ACAN: variants seen among roughly 807,000 people sequenced by gnomAD.
ACAN encodes the protein aggrecan.
Under a neutral mutation model 169.1 loss-of-function variants are expected in ACAN, and 47 were observed. The observed-to-expected ratio is 0.28, with a 90% CI of 0.22 to 0.35. The LOEUF is 0.35. Ranked by LOEUF, ACAN falls within the 10% of genes least tolerant of loss-of-function variation. ACAN has a pLI of 1.00. For missense variants in ACAN, 2,716 were observed against 2,759.9 expected, an observed-to-expected ratio of 0.98 and a Z score of 0.36; for synonymous variants, 1,115 against 1,112.2, an observed-to-expected ratio of 1.00 and a Z score of -0.05.
rs138620973 is a variant in ACAN at position 88,855,427 on chromosome 15, G to C, written c.2842G>C (p.Ala948Pro). The C allele has an allele frequency of 3.1e-4, 496 of 1,613,312 alleles. 2 individuals are homozygous for C. In the East Asian group the frequency reaches 9.8e-3, roughly 32 times the overall value. The part of the protein sequence containing the change: ...PSGAEILEGS[A>P]SGVGDLSGLP... ...TGGAGCTGAGATCCTAGAGGGCTCT[G>C]CCTCTGGAGTTGGGGATCTCAGTGG... The change falls in exon 12 of 19, where the codon GCC becomes CCC. Residue 948 changes from alanine to proline, a missense_variant. Coordinates refer to ENST00000560601, the MANE Select transcript of ACAN (RefSeq NM_001369268.1).
chr15:88,823,963 G>A (rs1157087699), intron 1 of ACAN, among the ~76,000 whole-genome samples: 2 of 152,124 alleles, frequency 1.3e-5, no homozygotes, highest in Non-Finnish European at 2.9e-5. Flanking sequence ...GGCTTCTTAT[G>A]TGTTCTAAGG....
chr15:88,846,383 A>T (rs1280314473), intron 7 of ACAN, among the ~76,000 whole-genome samples: 3 of 152,234 alleles, frequency 2.0e-5, no homozygotes, highest in African/African-American at 7.2e-5. Context: ...TTACATTCTT[A>T]AATAGTTAGG....
In ACAN at chr15:88,839,019, G is replaced by A. The variant is rs372286756; in HGVS notation, c.427G>A (p.Glu143Lys). Residue 143 changes from glutamate (E) to lysine (K), a missense_variant, in exon 3 of 19, where the codon GAG (glutamate) becomes AAG (lysine). Physicochemically the swap from Glu to Lys is moderately conservative, Grantham distance 56 (BLOSUM62 1). This residue lies in a region of ACAN where 1,283 missense variants were observed against 1,281.5 expected (regional missense o/e 1.00). Transcript: ENST00000560601. This position sits in a 1 kb window ranked among gnomAD's most constrained non-coding sequence, Gnocchi z 4.5. ...GGTGATGCATGGCATCGAGGACAGC[G>A]AGGCCACCCTGGAAGTCGTGGTGAA... ...CEVMHGIEDS[E>K]ATLEVVVKGI... 6.6e-5 allele frequency: 106 copies of A among 1,606,622 alleles called. 1 individual carries two copies. Among genetic ancestry groups the A allele is most frequent in the Non-Finnish European group, 7.8e-5 (92 of 1,179,796 alleles).
In ACAN at chr15:88,858,804, C is replaced by T. The variant is rs1407423061; in HGVS notation, c.6219C>T (p.Val2073=). ...AGCTTTTTGAGTCCAGTGGAAAAGT[C>T]TCCACAGCTGGGGACATTAGTGGAG... ...TPQLFESSGK[V]STAGDISGAT... is the part of the protein sequence containing the mutation. The change falls in exon 12 of 19, where the codon GTC becomes GTT. Residue 2073 remains valine, a synonymous_variant. Coordinates refer to ENST00000560601, the MANE Select transcript of ACAN (RefSeq NM_001369268.1). The surrounding 1 kb of genome is among the most constrained non-coding windows in gnomAD (Gnocchi z 4.0). 1.2e-5 allele frequency: 20 copies of T among 1,613,792 alleles called. No individual in the cohort carries two copies. The highest frequency in any genetic ancestry group is 1.7e-5 in the Non-Finnish European group (20 of 1,179,892).
chr15:88,858,819 C>T lies in ACAN; in HGVS notation c.6234C>T (p.Asp2078=), dbSNP rs536254297. 1.6e-5 allele frequency: 26 copies of T among 1,613,768 alleles called. No homozygotes were observed. Among genetic ancestry groups the T allele is most frequent in the Middle Eastern group, 1.6e-4 (1 of 6,062 alleles). ...GTGGAAAAGTCTCCACAGCTGGGGACATTAGTGGAGCTACCCCAGTGCTCC... is the reference window on the plus strand; with the variant it reads ...GTGGAAAAGTCTCCACAGCTGGGGATATTAGTGGAGCTACCCCAGTGCTCC... ...ESSGKVSTAG[D]ISGATPVLPG... The change falls in exon 12 of 19, where the codon GAC becomes GAT. Residue 2078 remains aspartate, a synonymous_variant. Coordinates refer to ENST00000560601, the MANE Select transcript of ACAN (RefSeq NM_001369268.1). The surrounding 1 kb of genome is among the most constrained non-coding windows in gnomAD (Gnocchi z 4.0).
intron 1 of ACAN, among the ~76,000 whole-genome samples, chr15:88,827,703 C>T (rs561264188): frequency 3.5e-4 from 53 of 152,300 alleles, no homozygotes; most frequent in African/African-American, 1.3e-3. Context: ...GTTCTTGCTC[C>T]TCAGTGAGGG....
At chr15:88,842,042 G>A (rs1367063135) in intron 5 of ACAN, among the ~76,000 whole-genome samples, 175 bp downstream of exon 5, 4 of 152,042 alleles carry the variant, frequency 2.6e-5, no homozygotes, top group South Asian at 2.1e-4. Context: ...TGCACCCCTC[G>A]CACTCCACTT....
rs760286695 is a variant in ACAN, at chr15:88,849,406, G to C, written c.1733-32G>C. ...GATGGACCTGGCCTGAGTGTGGGGGGGTCATATTCTACCCCTTGCCTCTGC... is the reference window on the plus strand; with the variant it reads ...GATGGACCTGGCCTGAGTGTGGGGGCGTCATATTCTACCCCTTGCCTCTGC... On this transcript the variant is annotated intron_variant, in intron 9 of 18. Transcript: ENST00000560601. The surrounding 1 kb of genome is among the most constrained non-coding windows in gnomAD (Gnocchi z 5.1). The C allele has an allele frequency of 1.4e-5, 22 of 1,532,234 alleles. No homozygotes were observed. Among genetic ancestry groups the C allele is most frequent in the Non-Finnish European group, 1.8e-5 (20 of 1,136,864 alleles). 94.9% of individuals were successfully genotyped at this position (1,532,234 alleles called of 1,614,324 possible). A position where few individuals can be genotyped will look rare whatever the true frequency, so the allele number is the denominator to read the frequency against.
In ACAN at chr15:88,843,609, C is replaced by T. The variant is rs777432522; in HGVS notation, c.1012C>T (p.Pro338Ser). ...CGTGCATGCCAACCAGACGGGCTAC[C>T]CCGACCCCTCATCCCGCTACGACGC... ...VYVHANQTGYPDPSSRYDAIC... is the reference protein window; with the variant it reads ...VYVHANQTGYSDPSSRYDAIC... Residue 338 changes from proline (P) to serine (S), a missense_variant, in exon 6 of 19, where the codon CCC (proline) becomes TCC (serine). Physicochemically the swap from Pro to Ser is moderately conservative, Grantham distance 74 (BLOSUM62 -1). Around this residue, in one of 3 missense-constraint regions of ACAN, gnomAD observed 1,283 missense variants for 1,281.5 expected, o/e 1.00. Coordinates refer to ENST00000560601, the MANE Select transcript of ACAN (RefSeq NM_001369268.1). The surrounding 1 kb of genome is among the most constrained non-coding windows in gnomAD (Gnocchi z 4.0). 4 of 1,596,134 alleles carry T rather than the reference C, an allele frequency of 2.5e-6. No homozygotes were observed. In the South Asian group the frequency reaches 3.3e-5, roughly 13 times the overall value.
intron 1 of ACAN, among the ~76,000 whole-genome samples, chr15:88,820,201 C>G (rs1416278164): frequency 6.6e-6 from 1 of 152,094 alleles, no homozygotes; most frequent in East Asian, 1.9e-4. Flanking sequence ...AGTTATAGAC[C>G]CAAGGATGAA....
intron 1 of ACAN, among the ~76,000 whole-genome samples, chr15:88,823,482 A>C (rs1298059389): frequency 2.6e-5 from 4 of 151,686 alleles, no homozygotes; most frequent in Non-Finnish European, 4.4e-5. Flanking sequence ...GTGAAGCAGG[A>C]GGATTAATCA....
chr15:88,822,718 G>A (rs1192763565), intron 1 of ACAN, among the ~76,000 whole-genome samples: 2 of 152,178 alleles, frequency 1.3e-5, no homozygotes, highest in East Asian at 3.9e-4. Context: ...ACAGGCGTGA[G>A]CCACCACGCC....
At chr15:88,846,593 G>A (rs1896796273) in intron 7 of ACAN, among the ~76,000 whole-genome samples, 1 of 152,030 alleles carries the variant, frequency 6.6e-6, no homozygotes. Context: ...AACCGTAGAT[G>A]GAAAATATTC....
intron 7 of ACAN, among the ~76,000 whole-genome samples, chr15:88,846,880 A>G (rs1357730985): frequency 6.6e-6 from 1 of 152,242 alleles, no homozygotes; most frequent in Non-Finnish European, 1.5e-5. Context: ...GGCTCTTTCC[A>G]GAAAACGCTT....
rs530515400 is a variant in ACAN, at chr15:88,874,199, A to T, written c.7630+175A>T. On this transcript the variant is annotated intron_variant, in intron 18 of 18. Coordinates refer to ENST00000560601, the MANE Select transcript of ACAN (RefSeq NM_001369268.1). This position sits in a 1 kb window ranked among gnomAD's most constrained non-coding sequence, Gnocchi z 7.3. ...ACCACTGCCCTTAGAAGGGCCACGT[A>T]CTTGTCCCAGGAGAGGGCTCACTTG... The T allele has an allele frequency of 5.9e-5, 62 of 1,055,352 alleles. No individual in the cohort carries two copies. The highest frequency in any genetic ancestry group is 8.0e-5 in the Non-Finnish European group (57 of 708,904). 65.4% of individuals were successfully genotyped at this position (1,055,352 alleles called of 1,614,324 possible). A position where few individuals can be genotyped will look rare whatever the true frequency, so the allele number is the denominator to read the frequency against.
Position 88,855,420 on chromosome 15 carries a change from G to A in ACAN, c.2835G>A (p.Glu945=). ...GELPSGAEIL[E]GSASGVGDLS... is the part of the protein sequence containing the mutation. Reference sequence around the variant, plus strand: ...TGCCCTCTGGAGCTGAGATCCTAGAGGGCTCTGCCTCTGGAGTTGGGGATC... The same window carrying A: ...TGCCCTCTGGAGCTGAGATCCTAGAAGGCTCTGCCTCTGGAGTTGGGGATC... Residue 945 remains glutamate (E), a synonymous_variant, in exon 12 of 19, where the codon GAG becomes GAA. Transcript: ENST00000560601. The A allele has an allele frequency of 1.2e-6, 2 of 1,613,760 alleles. No homozygotes were observed. The highest frequency in any genetic ancestry group is 1.7e-6 in the Non-Finnish European group (2 of 1,179,844).
intron 11 of ACAN, among the ~76,000 whole-genome samples, chr15:88,854,377 G>A (rs1485799795): frequency 6.6e-6 from 1 of 152,172 alleles, no homozygotes; most frequent in Non-Finnish European, 1.5e-5. Flanking sequence ...TTCTATTCAA[G>A]CTCCCAGAGG....
At chr15:88,845,163 G>A (rs1896761003) in intron 6 of ACAN, among the ~76,000 whole-genome samples, 1 of 152,216 alleles carries the variant, frequency 6.6e-6, no homozygotes, top group African/African-American at 2.4e-5. Flanking sequence ...GCATCAGATG[G>A]TTGGTAAGGT....
At position 88,838,882 on chromosome 15, in the gene ACAN, A is replaced by G; in HGVS notation, c.290A>G (p.Asn97Ser). 6.2e-7 allele frequency: 1 copy of G among 1,614,050 alleles called. No homozygotes were observed. The highest frequency in any genetic ancestry group is 1.1e-5 in the South Asian group (1 of 91,084). Residue 97 changes from asparagine (N) to serine (S), a missense_variant, in exon 3 of 19, where the codon AAC (asparagine) becomes AGC (serine). Physicochemically the swap from Asn to Ser is conservative, Grantham distance 46. Coordinates refer to ENST00000560601, the MANE Select transcript of ACAN (RefSeq NM_001369268.1). The surrounding 1 kb of genome is among the most constrained non-coding windows in gnomAD (Gnocchi z 5.1). ...GCCACTGAAGGGCGCGTGCGGGTCA[A>G]CAGTGCCTATCAGGACAAGGTCTCA... The part of the protein sequence containing the change: ...LVATEGRVRV[N>S]SAYQDKVSLP...
Sources: gnomAD v4.1 joint callset for allele counts (sites outside exome capture counted in the v4.1 genomes callset) on GRCh38, gnomAD v4.1.1 for gene constraint, gnomAD v4.1.1 regional missense constraint, Gnocchi (gnomAD v3.1) non-coding constraint, MANE v1.5 for transcripts, NCBI Gene and HGNC (gene_info 2026-07-23, HGNC 2026-07-21) for gene names.